RCAN2: variants seen among roughly 807,000 people sequenced by gnomAD.
RCAN2 encodes the protein regulator of calcineurin 2, also known as calcipressin-2.
Under a neutral mutation model 23.6 loss-of-function variants are expected in RCAN2, and 9 were observed. The ratio of observed to expected loss-of-function variants is 0.38; its 90% CI spans 0.23 to 0.67. RCAN2 has a LOEUF of 0.67. Among genes scored for constraint, RCAN2 ranks in the 30% least tolerant of loss-of-function variants. The pLI, the probability that RCAN2 is intolerant of heterozygous loss-of-function variation, is 0.51. For synonymous variants in RCAN2, 109 were observed against 115.7 expected (o/e 0.94, Z 0.37); for missense variants, 273 against 302.3 (o/e 0.90, Z 0.72).
intron 1 of RCAN2, among the ~76,000 whole-genome samples, chr6:46,481,849 A>G (rs1768868444): frequency 6.6e-6 from 1 of 152,202 alleles, no homozygotes; most frequent in African/African-American, 2.4e-5. Flanking sequence ...AAACCCTACA[A>G]TTTGAGAATA....
chr6:46,334,227 C>A (rs527444682), intron 2 of RCAN2, among the ~76,000 whole-genome samples: 2 of 152,332 alleles, frequency 1.3e-5, no homozygotes, highest in Admixed American at 1.3e-4. Flanking sequence ...CACTAATGGA[C>A]ACTGTATATT....
intron 2 of RCAN2, among the ~76,000 whole-genome samples, chr6:46,397,574 C>T (rs1766131134): frequency 6.6e-6 from 1 of 152,064 alleles, no homozygotes; most frequent in Non-Finnish European, 1.5e-5. Flanking sequence ...ACTATTTTTG[C>T]AACTTTGTAT....
intron 2 of RCAN2, among the ~76,000 whole-genome samples, chr6:46,398,781 G>A (rs909497358): frequency 6.6e-6 from 1 of 152,030 alleles, no homozygotes; most frequent in Non-Finnish European, 1.5e-5. Context: ...CAGTACCCAG[G>A]CCACAATGTG....
At position 46,376,988 on chromosome 6, in the gene RCAN2, G is replaced by A. The variant is rs9472744; in HGVS notation, c.225+79764C>T. Among the ~76,000 whole-genome samples, 982 of 151,976 alleles carry A rather than the reference G, an allele frequency of 6.5e-3. 8 individuals carry two copies. The highest frequency in any genetic ancestry group is 0.023 in the African/African-American group (943 of 41,458). On this transcript the variant is annotated intron_variant, in intron 2 of 4. Transcript: ENST00000371374. The stretch of plus-strand genomic sequence containing the variant: ...ATGGCTGTTTATACTGGCCAAAAAA[G>A]AGATGTAATTTTATAAGGCTTTATC...
At chr6:46,240,722 C>T (rs1236839382) in intron 4 of RCAN2, among the ~76,000 whole-genome samples, 2 of 152,122 alleles carry the variant, frequency 1.3e-5, no homozygotes, top group Non-Finnish European at 2.9e-5. Context: ...GAATTTTTTT[C>T]TACCTCTGAA....
At chr6:46,313,133 C>A (rs934722467) in intron 2 of RCAN2, among the ~76,000 whole-genome samples, 6 of 152,154 alleles carry the variant, frequency 3.9e-5, no homozygotes, top group Admixed American at 2.0e-4. Flanking sequence ...CTTCACCTGG[C>A]AAATTCCTAC....
At chr6:46,403,399 CCT>C (rs1280679664) in intron 2 of RCAN2, among the ~76,000 whole-genome samples, 1 of 147,422 alleles carries the variant, frequency 6.8e-6, no homozygotes, top group African/African-American at 2.4e-5. Context: ...ATGGAGAAAC[CCT>C]GTCTCTGCTA....
chr6:46,445,638 G>C (rs1315235244), intron 2 of RCAN2, among the ~76,000 whole-genome samples: 2 of 152,018 alleles, frequency 1.3e-5, no homozygotes, highest in Non-Finnish European at 2.9e-5. Flanking sequence ...CAAAATAATT[G>C]CTTTAAGAAA....
At chr6:46,419,732 A>C (rs1420432642) in intron 2 of RCAN2, among the ~76,000 whole-genome samples, 1 of 152,206 alleles carries the variant, frequency 6.6e-6, no homozygotes, top group African/African-American at 2.4e-5. Flanking sequence ...TGAATAATGA[A>C]GACCAGCAGA....
intron 1 of RCAN2, among the ~76,000 whole-genome samples, chr6:46,462,504 C>T (rs1019053263): frequency 1.3e-5 from 2 of 151,966 alleles, no homozygotes; most frequent in African/African-American, 4.8e-5. Context: ...CATTAAAAGA[C>T]CTAAAGTAAA....
chr6:46,421,562 C>A (rs1766890772), intron 2 of RCAN2, among the ~76,000 whole-genome samples: 1 of 152,200 alleles, frequency 6.6e-6, no homozygotes, highest in Non-Finnish European at 1.5e-5. Flanking sequence ...GATGTCGCAA[C>A]TCACAAACTC....
At chr6:46,419,775 C>T (rs1035757935) in intron 2 of RCAN2, among the ~76,000 whole-genome samples, 3 of 152,150 alleles carry the variant, frequency 2.0e-5, no homozygotes, top group African/African-American at 7.2e-5. Flanking sequence ...GAAAGCCTCA[C>T]GTCTTCAAAC....
At chr6:46,456,433 G>A (rs1431041400) in intron 2 of RCAN2, among the ~76,000 whole-genome samples, 1 of 152,184 alleles carries the variant, frequency 6.6e-6, no homozygotes, top group Non-Finnish European at 1.5e-5. Flanking sequence ...GAAACTTTTA[G>A]GAGTTTAAGA....
At chr6:46,344,645 A>T (rs948192173) in intron 2 of RCAN2, among the ~76,000 whole-genome samples, 1 of 152,082 alleles carries the variant, frequency 6.6e-6, no homozygotes, top group Non-Finnish European at 1.5e-5. Context: ...AAGGCATACT[A>T]TAATATGTTA....
At chr6:46,383,525 C>T (rs1223365321) in intron 2 of RCAN2, among the ~76,000 whole-genome samples, 1 of 152,028 alleles carries the variant, frequency 6.6e-6, no homozygotes, top group East Asian at 1.9e-4. Context: ...GTCTCAGCTT[C>T]TCATGTGTTA....
intron 2 of RCAN2, among the ~76,000 whole-genome samples, chr6:46,283,098 G>T (rs1222540180): frequency 6.6e-6 from 1 of 152,150 alleles, no homozygotes; most frequent in African/African-American, 2.4e-5. Context: ...CTCAGGAAAG[G>T]GGCTGAGTGA....
intron 2 of RCAN2, among the ~76,000 whole-genome samples, chr6:46,260,481 A>T (rs1226561198): frequency 6.6e-6 from 1 of 152,094 alleles, no homozygotes. Context: ...GAAGAGGAGC[A>T]AGTGAGGGGA....
At chr6:46,264,955 G>A (rs1274691299) in intron 2 of RCAN2, among the ~76,000 whole-genome samples, 1 of 152,192 alleles carries the variant, frequency 6.6e-6, no homozygotes, top group Non-Finnish European at 1.5e-5. Flanking sequence ...TGCCTAAGGT[G>A]GTCAGCTCGT....
intron 2 of RCAN2, among the ~76,000 whole-genome samples, chr6:46,310,024 G>A (rs1490529884): frequency 1.3e-5 from 2 of 152,074 alleles, no homozygotes; most frequent in Non-Finnish European, 2.9e-5. Flanking sequence ...TTGTCATGGT[G>A]CTTATATACT....
Sources: allele counts gnomAD v4.1 joint callset (sites outside exome capture counted in the v4.1 genomes callset), GRCh38; gene constraint gnomAD v4.1.1; transcripts MANE v1.5; gene names NCBI Gene and HGNC (gene_info 2026-07-23, HGNC 2026-07-21).